Variants in ATRNL1 observed in about 807,000 individuals in gnomAD.
The protein encoded by ATRNL1 is attractin-like protein 1.
In ATRNL1, 95 loss-of-function variants were observed where a neutral mutation model predicts 182.7. That is an observed-to-expected ratio of 0.52 (90% CI 0.44 to 0.62). The LOEUF is 0.62. Ranked by LOEUF, ATRNL1 falls within the 20% of genes least tolerant of loss-of-function variation. ATRNL1 has a pLI of 0.00. For synonymous variants in ATRNL1, 576 were observed against 568.3 expected (o/e 1.01, Z -0.19); for missense variants, 1,471 against 1,679.5 (o/e 0.88, Z 2.17).
chr10:115,945,665 T>G lies in ATRNL1; in HGVS notation c.*886T>G, dbSNP rs1190258403. ...TCAGACCTAAATGATCCATCTGCAT[T>G]TTTATAAGAATGGATCTTTCTTTGC... On this transcript the variant is annotated 3_prime_UTR_variant, in exon 29 of 29. Transcript: ENST00000355044. 2 of 152,206 alleles carry G rather than the reference T, an allele frequency of 1.3e-5. No homozygotes were observed. Among genetic ancestry groups the G allele is most frequent in the East Asian group, 3.8e-4 (2 of 5,200 alleles). The allele number at this position is 152,206 out of a possible 1,614,324, so 9.4% of individuals were successfully genotyped here.
Position 115,727,312 on chromosome 10 carries a change from A to C in ATRNL1, c.3860A>C (p.Glu1287Ala). 6.2e-7 allele frequency: 1 copy of C among 1,614,116 alleles called. No individual in the cohort carries two copies. Among genetic ancestry groups the C allele is most frequent in the Non-Finnish European group, 8.5e-7 (1 of 1,179,990 alleles). Residue 1287 changes from glutamate to alanine, a missense_variant, in exon 27 of 29, where the codon GAA (glutamate) becomes GCA (alanine). Around this residue, in one of 3 missense-constraint regions of ATRNL1, gnomAD observed 437 missense variants for 506.0 expected, o/e 0.86. Coordinates refer to ENST00000355044, the MANE Select transcript of ATRNL1 (RefSeq NM_207303.4). ...RPFASVDVAL[E>A]VGAEQTEFLR... ...TTTGCTTCTGTTGATGTAGCTCTGG[A>C]AGTGGGAGCTGAACAAACAGAGTTT...
At chr10:115,513,576 G>A (rs1240444719) in intron 24 of ATRNL1, among the ~76,000 whole-genome samples, 4 of 151,936 alleles carry the variant, frequency 2.6e-5, no homozygotes, top group South Asian at 2.1e-4. Context: ...ATGCATAAAT[G>A]TATACCCCTT....
At chr10:115,665,493 G>A (rs1436142433) in intron 26 of ATRNL1, among the ~76,000 whole-genome samples, 1 of 152,098 alleles carries the variant, frequency 6.6e-6, no homozygotes, top group Non-Finnish European at 1.5e-5. Flanking sequence ...AATATATAAG[G>A]AGGAAGACGA....
intron 21 of ATRNL1, among the ~76,000 whole-genome samples, chr10:115,460,985 A>G (rs979233020): frequency 2.6e-5 from 4 of 152,142 alleles, no homozygotes; most frequent in African/African-American, 9.7e-5. Flanking sequence ...CTTATACAAA[A>G]TATTGCCTTA....
chr10:115,665,618 C>T (rs1468711575), intron 26 of ATRNL1, among the ~76,000 whole-genome samples: 4 of 152,118 alleles, frequency 2.6e-5, no homozygotes, highest in Non-Finnish European at 5.9e-5. Context: ...CTGTTGCTAT[C>T]TGGAAATTCT....
At chr10:115,460,191 C>A (rs1554969463) in intron 21 of ATRNL1, among the ~76,000 whole-genome samples, 12 of 152,110 alleles carry the variant, frequency 7.9e-5, no homozygotes. Context: ...AAGACAATTT[C>A]CTGCCTTCCT....
chr10:115,405,517 G>A (rs1477817819), intron 20 of ATRNL1, among the ~76,000 whole-genome samples: 2 of 152,022 alleles, frequency 1.3e-5, no homozygotes, highest in East Asian at 3.9e-4. Flanking sequence ...GCAATTTGCC[G>A]GTGCAAATAT....
intron 7 of ATRNL1, among the ~76,000 whole-genome samples, chr10:115,168,839 C>G (rs1203486030): frequency 6.6e-6 from 1 of 151,680 alleles, no homozygotes; most frequent in Admixed American, 6.6e-5. Context: ...ACTTTTTTTC[C>G]TTTTATTGCT....
At chr10:115,389,575 T>TATAC (rs1843904812) in intron 19 of ATRNL1, among the ~76,000 whole-genome samples, 1 of 118,350 alleles carries the variant, frequency 8.4e-6, no homozygotes, top group South Asian at 2.7e-4. Context: ...TATATATATA[T>TATAC]ATATATATAT....
chr10:115,569,154 A>G (rs947543831), intron 26 of ATRNL1, among the ~76,000 whole-genome samples: 4 of 152,126 alleles, frequency 2.6e-5, no homozygotes, highest in African/African-American at 9.6e-5. Context: ...ACCCTCTACT[A>G]CATATTACTC....
chr10:115,856,428 C>CAAAAAAAAAAAAA (rs572743389), intron 28 of ATRNL1, among the ~76,000 whole-genome samples: 2,616 of 22,510 alleles, frequency 0.12, 1,021 homozygotes, highest in Non-Finnish European at 0.16. Context: ...AGCTCCATCT[C>CAAAAAAAAAAAAA]AAAAAAAAAA....
intron 28 of ATRNL1, among the ~76,000 whole-genome samples, chr10:115,903,970 G>A (rs1046337547): frequency 4.6e-5 from 7 of 152,098 alleles, no homozygotes; most frequent in Non-Finnish European, 1.0e-4. Context: ...GAGCTTTACT[G>A]GGGGACATGC....
chr10:115,623,552 T>G (rs2133811325), intron 26 of ATRNL1, among the ~76,000 whole-genome samples: 1 of 152,184 alleles, frequency 6.6e-6, no homozygotes, highest in Admixed American at 6.5e-5. Flanking sequence ...AGCTGAACAT[T>G]AATGAGCTAT....
chr10:115,462,145 A>G (rs1379604125), intron 22 of ATRNL1, 110 bp downstream of exon 22: 2 of 603,880 alleles, frequency 3.3e-6, no homozygotes, highest in Non-Finnish European at 5.4e-6. Context: ...GGGCCTTTGT[A>G]GAAACTACTA....
chr10:115,868,819 A>ATTTTTT (rs1555105343), intron 28 of ATRNL1, among the ~76,000 whole-genome samples: 2 of 98,276 alleles, frequency 2.0e-5, no homozygotes, highest in African/African-American at 7.2e-5. Context: ...GCAAGTCTTT[A>ATTTTTT]TTCTTTTTTT....
At chr10:115,250,023 T>C (rs1170988118) in intron 10 of ATRNL1, among the ~76,000 whole-genome samples, 1 of 152,212 alleles carries the variant, frequency 6.6e-6, no homozygotes, top group Non-Finnish European at 1.5e-5. Context: ...GGCATATTTG[T>C]GTTTTCTTCC....
intron 19 of ATRNL1, among the ~76,000 whole-genome samples, chr10:115,340,816 A>G (rs998980066): frequency 2.0e-5 from 3 of 151,904 alleles, no homozygotes; most frequent in African/African-American, 7.3e-5. Flanking sequence ...ATTGGCATGT[A>G]GTTGTTCATA....
intron 27 of ATRNL1, among the ~76,000 whole-genome samples, chr10:115,772,741 T>C (rs1949026972): frequency 6.6e-6 from 1 of 152,058 alleles, no homozygotes; most frequent in Non-Finnish European, 1.5e-5. Context: ...TGCTTTTCAT[T>C]TGGCAAAAAC....
At chr10:115,150,871 T>G (rs1298918579) in intron 5 of ATRNL1, among the ~76,000 whole-genome samples, 2 of 152,102 alleles carry the variant, frequency 1.3e-5, no homozygotes, top group African/African-American at 4.8e-5. Flanking sequence ...TATCCCTCCC[T>G]GCTCCCCCCA....
Sources: allele counts gnomAD v4.1 joint callset (sites outside exome capture counted in the v4.1 genomes callset), GRCh38; gene constraint gnomAD v4.1.1; regional missense constraint gnomAD v4.1.1; transcripts MANE v1.5; gene names NCBI Gene and HGNC (gene_info 2026-07-23, HGNC 2026-07-21).